The following AGBL4 variants were observed in gnomAD, a reference collection of about 807,000 sequenced individuals.
The protein encoded by AGBL4 is AGBL carboxypeptidase 4.
A neutral mutation model predicts 66.4 loss-of-function variants in AGBL4; 58 were observed. The observed-to-expected ratio is 0.87, with a 90% CI of 0.71 to 1.09. The LOEUF is 1.09. AGBL4 is among the 50% of genes least tolerant of loss of function. The pLI is 0.00. For synonymous variants in AGBL4, 234 were observed against 222.9 expected, an observed-to-expected ratio of 1.05 and a Z score of -0.44; for missense variants, 579 against 631.0, an observed-to-expected ratio of 0.92 and a Z score of 0.88.
At chr1:48,686,627 A>G (rs896154264) in intron 6 of AGBL4, among the ~76,000 whole-genome samples, 6 of 152,370 alleles carry the variant, frequency 3.9e-5, no homozygotes, top group Non-Finnish European at 8.8e-5. Context: ...AGGCAGGTCT[A>G]GCTCTTTCTA....
At position 49,335,805 on chromosome 1, in the gene AGBL4, G is replaced by A. The variant is rs532734537; in HGVS notation, c.283-89941C>T. ...GCTGGGATTATAGGCGTGAGCCACCGTGCCTGGCCTAAAATCTGAACTTTT... is the reference window on the plus strand; with the variant it reads ...GCTGGGATTATAGGCGTGAGCCACCATGCCTGGCCTAAAATCTGAACTTTT... On this transcript the variant is annotated intron_variant, in intron 3 of 13. Transcript: ENST00000371839. Among the ~76,000 whole-genome samples, 7 of 152,210 alleles carry A rather than the reference G, an allele frequency of 4.6e-5. No individual in the cohort carries two copies. In the East Asian group the frequency reaches 5.8e-4, roughly 13 times the overall value.
intron 3 of AGBL4, among the ~76,000 whole-genome samples, chr1:49,397,599 A>T (rs934924390): frequency 6.6e-6 from 1 of 152,190 alleles, no homozygotes; most frequent in African/African-American, 2.4e-5. Context: ...GTATTTAGGT[A>T]AAAAACAAAG....
At chr1:49,561,456 C>A (rs1056495467) in intron 3 of AGBL4, among the ~76,000 whole-genome samples, 1 of 151,804 alleles carries the variant, frequency 6.6e-6, no homozygotes, top group Non-Finnish European at 1.5e-5. Context: ...ATCCGTCCCC[C>A]CTCCCCCCAA....
In AGBL4 at chr1:48,968,246, T is replaced by C. The variant is rs1029233459; in HGVS notation, c.594+77338A>G. Among the ~76,000 whole-genome samples, 6 of 152,138 alleles carry C rather than the reference T, an allele frequency of 3.9e-5. 1 individual carries two copies. The highest frequency in any genetic ancestry group is 6.8e-3 in the Middle Eastern group (2 of 294). On this transcript the variant is annotated intron_variant, in intron 5 of 13. Transcript: ENST00000371839. ...GAGGAAACAGAAGAATAGTAGGCAA[T>C]AAACAAAGAGAGCAACTTAGGAGCC...
In AGBL4 at chr1:48,877,175, GC is replaced by G. The variant is rs557736397; in HGVS notation, c.595-9946del. ...AGCAGATTTATGTCTATAATCCAGT[GC>G]CTAGAAAAGAACAAATGCCCATAAA... On this transcript the variant is annotated intron_variant, in intron 5 of 13. Transcript: ENST00000371839. Among the ~76,000 whole-genome samples, 57 of 152,298 alleles carry G rather than the reference GC, an allele frequency of 3.7e-4. 1 individual carries two copies. The highest frequency in any genetic ancestry group is 3.7e-3 in the Admixed American group (56 of 15,300).
In AGBL4 at chr1:49,440,304, A is replaced by G. The variant is rs527259444; in HGVS notation, c.283-194440T>C. On this transcript the variant is annotated intron_variant, in intron 3 of 13. Transcript: ENST00000371839. The stretch of plus-strand genomic sequence containing the variant: ...AGGATGGTCTCAATCTCCTGACCTC[A>G]TGATCCACCTGCCTCTGCCTCCCAA... Among the ~76,000 whole-genome samples the G allele has an allele frequency of 1.6e-3, 249 of 152,194 alleles. 1 individual carries two copies. The highest frequency in any genetic ancestry group is 5.8e-3 in the African/African-American group (242 of 41,540).
chr1:49,074,765 G>A (rs1398440290), intron 4 of AGBL4, among the ~76,000 whole-genome samples: 1 of 152,162 alleles, frequency 6.6e-6, no homozygotes, highest in Admixed American at 6.5e-5. Context: ...ATAGAGAAGG[G>A]AGATTGAGCT....
chr1:49,883,501 A>C (rs1411485605), intron 1 of AGBL4, among the ~76,000 whole-genome samples: 24 of 152,112 alleles, frequency 1.6e-4, no homozygotes, highest in Admixed American at 1.6e-3. Context: ...GTTTCTCATC[A>C]GAAGAGTCTA....
chr1:48,830,684 A>G (rs985234304), intron 6 of AGBL4, among the ~76,000 whole-genome samples: 1 of 152,258 alleles, frequency 6.6e-6, no homozygotes, highest in Non-Finnish European at 1.5e-5. Context: ...GTAGATGTTA[A>G]TCAAATATCT....
intron 5 of AGBL4, among the ~76,000 whole-genome samples, chr1:49,001,472 C>T (rs1239027444): frequency 1.3e-5 from 2 of 152,164 alleles, no homozygotes; most frequent in Non-Finnish European, 2.9e-5. Context: ...CTTGTCATTT[C>T]TTTGGTAGGA....
Position 49,846,290 on chromosome 1 carries a change from C to A in AGBL4, c.157+5106G>T, listed in dbSNP as rs116242496. 3,131 of 1,506,876 alleles carry A rather than the reference C, an allele frequency of 2.1e-3. 58 individuals carry two copies. In the African/African-American group the frequency reaches 0.039, roughly 19 times the overall value. 93.3% of individuals were successfully genotyped at this position (1,506,876 alleles called of 1,614,324 possible). ...CTTTAGGCAGAGCACCCACCTCACA[C>A]AGCACTGGAGGATCCACACAGGAGA... On this transcript the variant is annotated intron_variant, in intron 2 of 13. Transcript: ENST00000371839.
At chr1:49,668,612 T>C (rs1264679833) in intron 3 of AGBL4, among the ~76,000 whole-genome samples, 1 of 152,178 alleles carries the variant, frequency 6.6e-6, no homozygotes, top group Non-Finnish European at 1.5e-5. Context: ...AGAAAGCGAC[T>C]GTCTACAATT....
In AGBL4 at chr1:49,215,666, C is replaced by T. The variant is rs144360469; in HGVS notation, c.377+30104G>A. ...TCACTGTGGATTCTTCAGACAGGTA[C>T]CCCTCTTTGCACAAGTCTGGACACA... is the stretch of plus-strand genomic sequence containing the variant. On this transcript the variant is annotated intron_variant, in intron 4 of 13. Transcript: ENST00000371839. 3.9e-5 allele frequency among the ~76,000 whole-genome samples: 6 copies of T among 152,160 alleles called. No homozygotes were observed. In the East Asian group the frequency reaches 1.2e-3, roughly 30 times the overall value.
At chr1:48,843,206 T>TA in intron 6 of AGBL4, among the ~76,000 whole-genome samples, 1 of 152,116 alleles carries the variant, frequency 6.6e-6, no homozygotes, top group East Asian at 1.9e-4. Flanking sequence ...GGGTACCTTA[T>TA]AAAAAAAATT....
At chr1:48,614,770 T>TA (rs1645292420) in intron 9 of AGBL4, among the ~76,000 whole-genome samples, 1 of 152,134 alleles carries the variant, frequency 6.6e-6, no homozygotes, top group South Asian at 2.1e-4. Context: ...TATGTGATTA[T>TA]AATACAAGAG....
intron 6 of AGBL4, among the ~76,000 whole-genome samples, chr1:48,688,845 G>A (rs1646576267): frequency 6.6e-6 from 1 of 151,734 alleles, no homozygotes; most frequent in Non-Finnish European, 1.5e-5. Context: ...AGACACAAGA[G>A]GGAAGGGGAG....
chr1:49,571,969 A>G (rs1213552641), intron 3 of AGBL4, among the ~76,000 whole-genome samples: 1 of 152,084 alleles, frequency 6.6e-6, no homozygotes. Flanking sequence ...TTCAGTGTGC[A>G]AGTATTTTCA....
chr1:49,033,042 C>T (rs1005698582), intron 5 of AGBL4, among the ~76,000 whole-genome samples: 1 of 151,878 alleles, frequency 6.6e-6, no homozygotes, highest in Non-Finnish European at 1.5e-5. Flanking sequence ...GTTCCCAGGC[C>T]CTTATTCATC....
At chr1:49,158,186 G>C (rs939106577) in intron 4 of AGBL4, among the ~76,000 whole-genome samples, 1 of 152,030 alleles carries the variant, frequency 6.6e-6, no homozygotes, top group Non-Finnish European at 1.5e-5. Context: ...ACTCAAGATG[G>C]ATTAAAGACT....
Sources: gnomAD v4.1 joint callset for allele counts (sites outside exome capture counted in the v4.1 genomes callset) on GRCh38, gnomAD v4.1.1 for gene constraint, MANE v1.5 for transcripts, NCBI Gene and HGNC (gene_info 2026-07-23, HGNC 2026-07-21) for gene names.